TONSL: variants seen among roughly 807,000 people sequenced by gnomAD.
TONSL encodes tonsoku like, DNA repair protein, also known as tonsoku-like protein.
In TONSL, 112 loss-of-function variants were observed where a neutral mutation model predicts 147.1. That is an observed-to-expected ratio of 0.76 (90% CI 0.65 to 0.89). The LOEUF is 0.89. TONSL is among the 40% of genes least tolerant of loss of function. TONSL has a pLI of 0.00. For synonymous variants in TONSL, 868 were observed against 801.5 expected (o/e 1.08, Z -1.40); for missense variants, 1,883 against 1,864.6 (o/e 1.01, Z -0.18).
At position 144,440,726 on chromosome 8, in the gene TONSL, C is replaced by A; in HGVS notation, c.1156G>T (p.Val386Leu). ...EEELRLRSGN[V>L]LEEAKTWLNI... is the part of the protein sequence containing the mutation. ...GGGAGCAAGGGTTTCACCTCCAGCA[C>A]GTTGCCGCTGCGCAGCCTCAGTTCC... The change falls in exon 9 of 26, where the codon GTG (valine) becomes TTG (leucine). Residue 386 changes from valine to leucine, a missense_variant. Transcript: ENST00000409379. The A allele has an allele frequency of 6.2e-7, 1 of 1,612,262 alleles. No individual in the cohort carries two copies. The highest frequency in any genetic ancestry group is 8.5e-7 in the Non-Finnish European group (1 of 1,179,628).
At position 144,440,032 on chromosome 8, in the gene TONSL, A is replaced by C; in HGVS notation, c.1469T>G (p.Leu490Arg). The C allele has an allele frequency of 7.6e-7, 1 of 1,317,728 alleles. No homozygotes were observed. Among genetic ancestry groups the C allele is most frequent in the East Asian group, 2.3e-5 (1 of 43,634 alleles). The allele number at this position is 1,317,728 out of a possible 1,614,324, so 81.6% of individuals were successfully genotyped here. A position where few individuals can be genotyped will look rare whatever the true frequency, so the allele number is the denominator to read the frequency against. ...CCGCTGGCCCTCACCGCCCTCTGAG[A>C]GCTCCACCTCGCCGGCCTCCAGGGC... is the stretch of plus-strand genomic sequence containing the variant. ...SEALEAGEVE[L>R]SEGEDDTDGL... Residue 490 changes from leucine to arginine, a missense_variant, in exon 11 of 26, where the codon CTC becomes CGC. Physicochemically the swap from Leu to Arg is moderately radical, Grantham distance 102. Coordinates refer to ENST00000409379, the MANE Select transcript of TONSL (RefSeq NM_013432.5).
chr8:144,429,375 GC>G (rs1823074331), intron 25 of TONSL, 39 bp from the exon 26 acceptor site: 1 of 1,361,756 alleles, frequency 7.3e-7, no homozygotes, highest in Non-Finnish European at 9.5e-7. Flanking sequence ...CGCTGCGGGG[GC>G]CGGCGGCGTC....
In TONSL at chr8:144,428,792, ATTT is replaced by A. The variant is rs1233741504; in HGVS notation, c.*348_*350del. On this transcript the variant is annotated 3_prime_UTR_variant, in exon 26 of 26. Transcript: ENST00000409379. ...GGGAGGCAGCAGCTTCATTTATTTT[ATTT>A]TTTTTTTTTTTTGAGACGGAGTCTC... 6.0e-5 allele frequency: 7 copies of A among 116,756 alleles called. No individual in the cohort carries two copies. The highest frequency in any genetic ancestry group is 3.7e-3 in the Middle Eastern group (1 of 270). The allele number at this position is 116,756 out of a possible 1,614,324, so 7.2% of individuals were successfully genotyped here.
rs782293739 is a variant in TONSL at position 144,434,128 on chromosome 8, C to T, written c.3237G>A (p.Gly1079=). The change falls in exon 21 of 26, where the codon GGG becomes GGA. Residue 1079 remains glycine, a synonymous_variant. Coordinates refer to ENST00000409379, the MANE Select transcript of TONSL (RefSeq NM_013432.5). The part of the protein sequence containing the change: ...HTALRELRLA[G]NRLGDKCVAE... Reference sequence around the variant, plus strand: ...CCACACACTTGTCCCCCAGCCGGTTCCCTGCCAGGCGCAGCTCCCGGAGTG... The same window carrying T: ...CCACACACTTGTCCCCCAGCCGGTTTCCTGCCAGGCGCAGCTCCCGGAGTG... 8 of 1,612,046 alleles carry T rather than the reference C, an allele frequency of 5.0e-6. No individual in the cohort carries two copies. In the East Asian group the frequency reaches 8.9e-5, roughly 18 times the overall value.
intron 10 of TONSL, 49 bp from the exon 11 acceptor site, chr8:144,440,259 G>C (rs1823660285): frequency 1.3e-6 from 2 of 1,555,312 alleles, no homozygotes. Flanking sequence ...TGTGGACGCA[G>C]AGAAAGATGG....
rs1586679061 is a variant in TONSL, at chr8:144,430,401, C to G, written c.3943+3G>C. On this transcript the variant is annotated splice_donor_region_variant and intron_variant, in intron 25 of 25. Transcript: ENST00000409379. ...CAGGCGTGGCCACCATACCAGCACT[C>G]ACCTGACAGGCCAAGGAAGCTAAGG... 3 of 1,602,634 alleles carry G rather than the reference C, an allele frequency of 1.9e-6. No individual in the cohort carries two copies. The highest frequency in any genetic ancestry group is 2.6e-6 in the Non-Finnish European group (3 of 1,174,954).
At chr8:144,435,588 C>T (rs776717296) in intron 17 of TONSL, 38 bp from the exon 18 acceptor site, 12 of 1,565,404 alleles carry the variant, frequency 7.7e-6, no homozygotes, top group African/African-American at 1.3e-5. Context: ...TCAGGAGCCA[C>T]AGTGGGCTCC....
rs137885184 is a variant in TONSL, at chr8:144,440,068, G to A, written c.1433C>T (p.Ala478Val). 297 of 1,578,316 alleles carry A rather than the reference G, an allele frequency of 1.9e-4. 1 individual carries two copies. In the African/African-American group the frequency reaches 2.9e-3, roughly 15 times the overall value. ...EEEAEEAAATAESEALEAGEV... is the reference protein window; with the variant it reads ...EEEAEEAAATVESEALEAGEV... ...GCCGGCCTCCAGGGCTTCGCTCTCC[G>A]CTGTGGCTGCCGCCTCCTCCGCCTC... The change falls in exon 11 of 26, where the codon GCG becomes GTG. Residue 478 changes from alanine (A) to valine (V), a missense_variant. Ala to Val is a moderately conservative substitution (Grantham distance 64). Coordinates refer to ENST00000409379, the MANE Select transcript of TONSL (RefSeq NM_013432.5).
Position 144,434,068 on chromosome 8 carries a change from G to A in TONSL, c.3297C>T (p.Ser1099=). ...TGGAGGAGAGGTCAAGGAGGGCCAG[G>A]CTGGGCATGGTGCCCAGGGCAGCCA... ...ELVAALGTMP[S]LALLDLSSNH... The change falls in exon 21 of 26, where the codon AGC becomes AGT. Residue 1099 remains serine, a synonymous_variant. Transcript: ENST00000409379. 6.2e-7 allele frequency: 1 copy of A among 1,612,256 alleles called. No homozygotes were observed. The highest frequency in any genetic ancestry group is 1.1e-5 in the South Asian group (1 of 91,046).
Position 144,438,569 on chromosome 8 carries a change from A to C in TONSL, c.1564-9T>G. ...TCGTTTCGCCGGTTCCACTGTGGGC[A>C]CAGCCAACCCAGCACAGGGCAGGGG... On this transcript the variant is annotated splice_polypyrimidine_tract_variant and intron_variant, in intron 12 of 25. Transcript: ENST00000409379. 2.5e-6 allele frequency: 4 copies of C among 1,613,032 alleles called. No homozygotes were observed. Among genetic ancestry groups the C allele is most frequent in the Non-Finnish European group, 3.4e-6 (4 of 1,179,864 alleles).
chr8:144,430,529 G>A lies in TONSL; in HGVS notation c.3818C>T (p.Ser1273Phe). The part of the protein sequence containing the change: ...KAVRDLCRCL[S>F]LCPSLISLDL... The stretch of plus-strand genomic sequence containing the variant: ...CAGTGAGATGAGTGAGGGGCACAGA[G>A]AGAGACATCTGAGATAACATGGGAA... Residue 1273 changes from serine (S) to phenylalanine (F), a missense_variant, in exon 25 of 26, where the codon TCT (serine) becomes TTT (phenylalanine). Ser to Phe is a radical substitution (Grantham distance 155). Coordinates refer to ENST00000409379, the MANE Select transcript of TONSL (RefSeq NM_013432.5). 6.2e-7 allele frequency: 1 copy of A among 1,611,028 alleles called. No individual in the cohort carries two copies. The highest frequency in any genetic ancestry group is 1.1e-5 in the South Asian group (1 of 90,672).
Position 144,442,346 on chromosome 8 carries a change from C to T in TONSL, c.645G>A (p.Ala215=), listed in dbSNP as rs746597830. ...AGCGCATAGCCTGGGAGTGCTGGCC[C>T]GCGCGCCAGTGGATGGTGCCCAGGT... ...RYNLGTIHWR[A]GQHSQAMRCL... Residue 215 remains alanine (A), a synonymous_variant, in exon 6 of 26, where the codon GCG becomes GCA. Coordinates refer to ENST00000409379, the MANE Select transcript of TONSL (RefSeq NM_013432.5). The T allele has an allele frequency of 2.5e-5, 40 of 1,591,132 alleles. No homozygotes were observed. Among genetic ancestry groups the T allele is most frequent in the Non-Finnish European group, 3.2e-5 (37 of 1,164,730 alleles).
chr8:144,442,979 C>T, intron 4 of TONSL, 159 bp downstream of exon 4: 1 of 1,231,218 alleles, frequency 8.1e-7, no homozygotes, highest in Non-Finnish European at 1.1e-6. Flanking sequence ...TGACGATCTC[C>T]AGGGGAAAGG....
In TONSL at chr8:144,435,130, C is replaced by G; in HGVS notation, c.2893G>C (p.Ala965Pro). 6.3e-7 allele frequency: 1 copy of G among 1,577,834 alleles called. No homozygotes were observed. The highest frequency in any genetic ancestry group is 8.6e-7 in the Non-Finnish European group (1 of 1,162,366). The change falls in exon 19 of 26, where the codon GCC becomes CCC. Residue 965 changes from alanine to proline, a missense_variant. Coordinates refer to ENST00000409379, the MANE Select transcript of TONSL (RefSeq NM_013432.5). ...HSVAWLAEQA[A>P]QRYYQTCGLL... The stretch of plus-strand genomic sequence containing the variant: ...CCGCAGGTCTGGTAGTAGCGCTGGG[C>G]CGCCTGCTCGGCCAGCCAGGCCACA...
chr8:144,442,313 C>T lies in TONSL; in HGVS notation c.678G>A (p.Glu226=), dbSNP rs925817321. ...TGGTGTGCGCACACTCCCGGGCACCCTCCAAGCAGCGCATAGCCTGGGAGT... is the reference window on the plus strand; with the variant it reads ...TGGTGTGCGCACACTCCCGGGCACCTTCCAAGCAGCGCATAGCCTGGGAGT... ...GQHSQAMRCL[E]GARECAHTMR... is the part of the protein sequence containing the mutation. Residue 226 remains glutamate (E), a synonymous_variant, in exon 6 of 26, where the codon GAG becomes GAA. Coordinates refer to ENST00000409379, the MANE Select transcript of TONSL (RefSeq NM_013432.5). 26 of 1,598,488 alleles carry T rather than the reference C, an allele frequency of 1.6e-5. No individual in the cohort carries two copies. The highest frequency in any genetic ancestry group is 2.1e-5 in the Non-Finnish European group (24 of 1,169,598).
intron 24 of TONSL, 81 bp from the exon 25 acceptor site, chr8:144,430,618 T>C (rs1326644154): frequency 1.3e-6 from 2 of 1,496,132 alleles, no homozygotes; most frequent in African/African-American, 2.8e-5. Context: ...CCCAGACAAA[T>C]GCCAGCTCAG....
In TONSL at chr8:144,441,363, C is replaced by A. The variant is rs183185569; in HGVS notation, c.866-252G>T. The A allele has an allele frequency of 1.0e-5, 5 of 476,740 alleles. No individual in the cohort carries two copies. In the Admixed American group the frequency reaches 1.4e-4, roughly 13 times the overall value. 29.5% of individuals were successfully genotyped at this position (476,740 alleles called of 1,614,324 possible). On this transcript the variant is annotated intron_variant, in intron 7 of 25. Coordinates refer to ENST00000409379, the MANE Select transcript of TONSL (RefSeq NM_013432.5). ...ATCCTAGGACTTTGGGAGGCCGAGGCGGGCAGATCATGAGGTCAGGAGATC... is the reference window on the plus strand; with the variant it reads ...ATCCTAGGACTTTGGGAGGCCGAGGAGGGCAGATCATGAGGTCAGGAGATC...
At chr8:144,441,467 C>T (rs923885470) in intron 7 of TONSL, 2 of 232,570 alleles carry the variant, frequency 8.6e-6, no homozygotes, top group Non-Finnish European at 1.7e-5. Flanking sequence ...TGGCGGGCAC[C>T]TGTAGTCCCA....
At chr8:144,441,547 A>G (rs961651320) in intron 7 of TONSL, 3 of 201,292 alleles carry the variant, frequency 1.5e-5, no homozygotes, top group African/African-American at 2.3e-5. Flanking sequence ...AGCCGAGATC[A>G]TGCCACTGCA....
Sources: gnomAD v4.1 joint callset for allele counts on GRCh38, gnomAD v4.1.1 for gene constraint, MANE v1.5 for transcripts, NCBI Gene and HGNC (gene_info 2026-07-23, HGNC 2026-07-21) for gene names.